TTR: variants seen among roughly 807,000 people sequenced by gnomAD.
The protein encoded by TTR is epididymis luminal protein 111.
A neutral mutation model predicts 13.7 loss-of-function variants in TTR; 8 were observed. That is an observed-to-expected ratio of 0.58 (90% CI 0.34 to 1.05). The LOEUF is 1.05. TTR is among the 50% of genes least tolerant of loss of function. The pLI is 0.02. For missense variants in TTR, 135 were observed against 185.5 expected, an observed-to-expected ratio of 0.73 and a Z score of 1.58; for synonymous variants, 75 against 71.7, an observed-to-expected ratio of 1.05 and a Z score of -0.23.
intron 2 of TTR, among the ~76,000 whole-genome samples, chr18:31,594,014 A>C (rs1476233732): frequency 6.6e-6 from 1 of 152,230 alleles, no homozygotes. Context: ...TTTATTTGGG[A>C]ATTCATTTAT....
intron 3 of TTR, among the ~76,000 whole-genome samples, chr18:31,597,805 T>TGTGTGA (rs1459906559): frequency 1.3e-5 from 2 of 152,192 alleles, no homozygotes; most frequent in Admixed American, 1.3e-4. Context: ...TTGACAGAAC[T>TGTGTGA]GTGTGACTAT....
chr18:31,595,578 T>TAG (rs1011219691), intron 3 of TTR: 7 of 432,476 alleles, frequency 1.6e-5, no homozygotes, highest in African/African-American at 1.4e-4. Context: ...AGACCCCACG[T>TAG]AGAGTGTATG....
At chr18:31,593,852 G>A (rs765630290) in intron 2 of TTR, among the ~76,000 whole-genome samples, 2 of 152,152 alleles carry the variant, frequency 1.3e-5, no homozygotes, top group Non-Finnish European at 1.5e-5. Context: ...GCAATCAGGA[G>A]ACCCTTTGCA....
chr18:31,596,748 G>A (rs1341626812), intron 3 of TTR, among the ~76,000 whole-genome samples: 3 of 151,742 alleles, frequency 2.0e-5, no homozygotes, highest in African/African-American at 4.8e-5. Flanking sequence ...AATACATCCC[G>A]ACCCTTGGAA....
intron 3 of TTR, among the ~76,000 whole-genome samples, chr18:31,598,278 C>T (rs981187538): frequency 6.6e-5 from 10 of 152,094 alleles, no homozygotes; most frequent in Non-Finnish European, 1.3e-4. Flanking sequence ...ATAGATACAG[C>T]CTTTAGGCTT....
At chr18:31,593,205 T>A in intron 2 of TTR, 179 bp downstream of exon 2, 1 of 792,244 alleles carries the variant, frequency 1.3e-6, no homozygotes, top group Non-Finnish European at 1.9e-6. Flanking sequence ...AGCTAGGAAG[T>A]GACCAGGAAC....
At chr18:31,593,606 T>C (rs2073498334) in intron 2 of TTR, 1 of 154,538 alleles carries the variant, frequency 6.5e-6, no homozygotes, top group Non-Finnish European at 1.4e-5. Context: ...GCACCTACTG[T>C]GTGCAAGGCT....
intron 2 of TTR, 40 bp from the exon 3 acceptor site, chr18:31,595,080 C>G: frequency 6.2e-7 from 1 of 1,612,744 alleles, no homozygotes; most frequent in Non-Finnish European, 8.5e-7. Context: ...CCATTTGTTT[C>G]CTCCATGCGT....
chr18:31,596,673 TAA>T (rs10707844), intron 3 of TTR, among the ~76,000 whole-genome samples: 4,468 of 144,806 alleles, frequency 0.031, 134 homozygotes, highest in African/African-American at 0.08. Context: ...CAACAAACAT[TAA>T]AAAAAAAAAA....
rs145551875 is a variant in TTR at position 31,592,966 on chromosome 18, A to G, written c.140A>G (p.Asn47Ser). 1.7e-5 allele frequency: 27 copies of G among 1,614,018 alleles called. No individual in the cohort carries two copies. In the African/African-American group the frequency reaches 2.1e-4, roughly 13 times the overall value. The change falls in exon 2 of 4, where the codon AAT becomes AGT. Residue 47 changes from asparagine to serine, a missense_variant. Coordinates refer to ENST00000237014, the MANE Select transcript of TTR (RefSeq NM_000371.4). Reference protein sequence around the residue: ...LDAVRGSPAINVAVHVFRKAA... With the variant: ...LDAVRGSPAISVAVHVFRKAA... ...GCTGTCCGAGGCAGTCCTGCCATCA[A>G]TGTGGCCGTGCATGTGTTCAGAAAG...
rs760153126 is a variant in TTR at position 31,598,636 on chromosome 18, C to T, written c.405C>T (p.Ser135=). The T allele has an allele frequency of 6.2e-7, 1 of 1,614,236 alleles. No homozygotes were observed. Among genetic ancestry groups the T allele is most frequent in the Non-Finnish European group, 8.5e-7 (1 of 1,180,050 alleles). The part of the protein sequence containing the change: ...YTIAALLSPY[S]YSTTAVVTNP... ...TTGCCGCCCTGCTGAGCCCCTACTC[C>T]TATTCCACCACGGCTGTCGTCACCA... The change falls in exon 4 of 4, where the codon TCC becomes TCT. Residue 135 remains serine (S), a synonymous_variant. Coordinates refer to ENST00000237014, the MANE Select transcript of TTR (RefSeq NM_000371.4).
intron 2 of TTR, 85 bp downstream of exon 2, chr18:31,593,111 T>G: frequency 1.3e-6 from 2 of 1,590,246 alleles, no homozygotes; most frequent in Non-Finnish European, 1.7e-6. Context: ...TCACATCATC[T>G]GCTAAAGAAT....
intron 2 of TTR, 64 bp downstream of exon 2, chr18:31,593,090 TAG>T (rs939980015): frequency 1.2e-6 from 2 of 1,606,198 alleles, no homozygotes; most frequent in African/African-American, 2.7e-5. Context: ...CCTCACTTGG[TAG>T]AGAGAGGCTC....
intron 2 of TTR, chr18:31,593,252 A>C: frequency 1.9e-6 from 1 of 517,560 alleles, no homozygotes; most frequent in South Asian, 2.0e-5. Context: ...AGAGAAAAGA[A>C]GGAATCAGAA....
At chr18:31,593,050 A>G (rs1478856872) in intron 2 of TTR, 24 bp downstream of exon 2, 3 of 1,613,138 alleles carry the variant, frequency 1.9e-6, no homozygotes, top group Admixed American at 3.3e-5. Context: ...GAACCCTCCC[A>G]CAGGACTTGG....
At chr18:31,593,519 A>G (rs796436310) in intron 2 of TTR, 1 of 169,806 alleles carries the variant, frequency 5.9e-6, no homozygotes, top group East Asian at 1.6e-4. Context: ...ATTCAGAAAT[A>G]TTATTAACCA....
chr18:31,592,513 G>T (rs723744), intron 1 of TTR, among the ~76,000 whole-genome samples: 56,954 of 152,044 alleles, frequency 0.37, 11,008 homozygotes, highest in Middle Eastern at 0.51. Flanking sequence ...AAGAGGGAGT[G>T]ACTATAGCAA....
At chr18:31,595,484 A>T (rs919494556) in intron 3 of TTR, 2 of 660,954 alleles carry the variant, frequency 3.0e-6, no homozygotes, top group Admixed American at 2.1e-5. Context: ...AACTTACATG[A>T]AACTACTCAT....
intron 1 of TTR, 132 bp from the exon 2 acceptor site, chr18:31,592,764 C>A: frequency 8.2e-7 from 1 of 1,212,980 alleles, no homozygotes. Context: ...CATTAATTGT[C>A]GACACTTACG....
Sources: gnomAD v4.1 joint callset for allele counts (sites outside exome capture counted in the v4.1 genomes callset) on GRCh38, gnomAD v4.1.1 for gene constraint, MANE v1.5 for transcripts, NCBI Gene and HGNC (gene_info 2026-07-23, HGNC 2026-07-21) for gene names.